The following CNTNAP5 variants were observed in gnomAD, a reference collection of about 807,000 sequenced individuals.
CNTNAP5 encodes contactin-associated protein-like 5.
CNTNAP5 carries 72 observed loss-of-function variants against 150.2 expected under a neutral mutation model. The ratio of observed to expected loss-of-function variants is 0.48; its 90% confidence interval spans 0.40 to 0.58. The LOEUF (loss-of-function observed/expected upper bound fraction) is 0.58, where lower values mean the gene tolerates loss of function less well. Among genes scored for constraint, CNTNAP5 ranks in the 20% least tolerant of loss-of-function variants. The pLI, the probability that CNTNAP5 is intolerant of heterozygous loss-of-function variation, is 0.00. For missense variants in CNTNAP5, 1,636 were observed against 1,626.2 expected (o/e 1.01, Z -0.10); for synonymous variants, 672 against 619.8 (o/e 1.08, Z -1.25).
chr2:124,163,315 C>G (rs1684729268), intron 1 of CNTNAP5, among the ~76,000 whole-genome samples: 1 of 152,278 alleles, frequency 6.6e-6, no homozygotes, highest in African/African-American at 2.4e-5. Context: ...CTGCCTCCAG[C>G]CCTGGAGAAT....
At chr2:124,699,596 T>G (rs2105088260) in intron 13 of CNTNAP5, among the ~76,000 whole-genome samples, 1 of 152,234 alleles carries the variant, frequency 6.6e-6, no homozygotes, top group South Asian at 2.1e-4. Context: ...AACCTCTCCC[T>G]TGGCTGTCCC....
In CNTNAP5 at chr2:124,603,002, TCTCCCTCC is replaced by T. The variant is rs55819925; in HGVS notation, c.1757-6780_1757-6773del. Among the ~76,000 whole-genome samples, 1,181 of 137,714 alleles carry T rather than the reference TCTCCCTCC, an allele frequency of 8.6e-3. 18 individuals are homozygous for T. Among genetic ancestry groups the T allele is most frequent in the African/African-American group, 0.028 (1,042 of 36,698 alleles). The allele number at this position is 137,714 out of a possible 152,430, so 90.3% of individuals were successfully genotyped here. A position where few individuals can be genotyped will look rare whatever the true frequency, so the allele number is the denominator to read the frequency against. On this transcript the variant is annotated intron_variant, in intron 11 of 23. Coordinates refer to ENST00000682447, the MANE Select transcript of CNTNAP5 (RefSeq NM_001367498.1). ...TGGTTATCTTAAAACATCTTCCCTC[TCTCCCTCC>T]CTCCCTCCCTCCCTCCCTTCTTTCC...
At chr2:124,324,395 T>C (rs1269984514) in intron 3 of CNTNAP5, among the ~76,000 whole-genome samples, 1 of 152,182 alleles carries the variant, frequency 6.6e-6, no homozygotes, top group East Asian at 1.9e-4. Context: ...TAGATGTATA[T>C]GTCAGATTTA....
chr2:124,822,256 A>G (rs1682507410), intron 19 of CNTNAP5, among the ~76,000 whole-genome samples: 1 of 152,084 alleles, frequency 6.6e-6, no homozygotes, highest in African/African-American at 2.4e-5. Context: ...GGTTGGTGTG[A>G]GGATGCTTAG....
chr2:124,748,864 G>A (rs772026060), intron 14 of CNTNAP5, among the ~76,000 whole-genome samples: 15 of 152,264 alleles, frequency 9.9e-5, no homozygotes, highest in Non-Finnish European at 1.8e-4. Flanking sequence ...CTTCATGTGG[G>A]TAAAATCAGA....
intron 10 of CNTNAP5, among the ~76,000 whole-genome samples, chr2:124,551,986 A>C (rs1695639197): frequency 6.6e-6 from 1 of 152,174 alleles, no homozygotes; most frequent in African/African-American, 2.4e-5. Context: ...ATGTCTAAAT[A>C]ACTGCAATAA....
chr2:124,746,050 C>T (rs1373570736), intron 13 of CNTNAP5, among the ~76,000 whole-genome samples: 2 of 152,212 alleles, frequency 1.3e-5, no homozygotes, highest in Non-Finnish European at 2.9e-5. Flanking sequence ...AACCTTGTAA[C>T]ATCCTCAGAC....
chr2:124,442,822 A>G (rs918930495), intron 5 of CNTNAP5, among the ~76,000 whole-genome samples: 1 of 152,216 alleles, frequency 6.6e-6, no homozygotes, highest in Non-Finnish European at 1.5e-5. Flanking sequence ...AGAGAGTTCA[A>G]AGAAAAGGAA....
chr2:124,485,631 A>AAAAAAAAAAAAAAAAAAAAAG (rs1457112306), intron 7 of CNTNAP5, among the ~76,000 whole-genome samples: 2 of 134,194 alleles, frequency 1.5e-5, no homozygotes, highest in African/African-American at 6.2e-5. Context: ...AAAAAAAAAA[A>AAAAAAAAAAAAAAAAAAAAAG]AAAGAAGAAG....
At chr2:124,681,893 T>C (rs1679077626) in intron 13 of CNTNAP5, among the ~76,000 whole-genome samples, 1 of 152,110 alleles carries the variant, frequency 6.6e-6, no homozygotes, top group Non-Finnish European at 1.5e-5. Context: ...TTGTTTTTAT[T>C]TTTCAATCCT....
At chr2:124,654,752 C>T (rs1678404610) in intron 13 of CNTNAP5, among the ~76,000 whole-genome samples, 1 of 151,566 alleles carries the variant, frequency 6.6e-6, no homozygotes, top group Non-Finnish European at 1.5e-5. Context: ...TTTCTTTGTC[C>T]TTCCTTCTTT....
chr2:124,314,880 C>T lies in CNTNAP5; in HGVS notation c.381+72487C>T, dbSNP rs1231347269. On this transcript the variant is annotated intron_variant, in intron 3 of 23. Coordinates refer to ENST00000682447, the MANE Select transcript of CNTNAP5 (RefSeq NM_001367498.1). ...ATCATTAATTACATGGTCTTAGTGT[C>T]GGTTGCAATTTTTGTTTCAAAATTT... 5.3e-5 allele frequency among the ~76,000 whole-genome samples: 8 copies of T among 151,942 alleles called. No individual in the cohort carries two copies. The South Asian group carries it at 1.2e-3, about 24-fold the overall frequency.
At chr2:124,035,364 C>T (rs776514622) in intron 1 of CNTNAP5, among the ~76,000 whole-genome samples, 10 of 151,304 alleles carry the variant, frequency 6.6e-5, no homozygotes, top group Non-Finnish European at 1.5e-4. Context: ...CCTTCTCTTT[C>T]CTCTCGTCTC....
At chr2:124,099,572 G>A (rs927005518) in intron 1 of CNTNAP5, among the ~76,000 whole-genome samples, 4 of 152,086 alleles carry the variant, frequency 2.6e-5, no homozygotes, top group Non-Finnish European at 5.9e-5. Context: ...TGAGATTATC[G>A]AGCCGTATGT....
intron 1 of CNTNAP5, among the ~76,000 whole-genome samples, chr2:124,101,549 C>G (rs768267633): frequency 1.3e-5 from 2 of 152,180 alleles, no homozygotes; most frequent in Middle Eastern, 6.3e-3. Flanking sequence ...ATTTACATCA[C>G]GAATCCCAAA....
At chr2:124,738,988 A>AT (rs1183902075) in intron 13 of CNTNAP5, among the ~76,000 whole-genome samples, 2 of 152,216 alleles carry the variant, frequency 1.3e-5, no homozygotes, top group Non-Finnish European at 2.9e-5. Context: ...CCAAAGAATC[A>AT]TTTAAGTTAA....
At chr2:124,452,623 A>G (rs889537925) in intron 6 of CNTNAP5, among the ~76,000 whole-genome samples, 20 of 152,296 alleles carry the variant, frequency 1.3e-4, no homozygotes, top group African/African-American at 4.8e-4. Context: ...AAAGCTGCAG[A>G]TCCTCACAGA....
chr2:124,752,847 G>C (rs1276724010), intron 14 of CNTNAP5, among the ~76,000 whole-genome samples: 1 of 152,082 alleles, frequency 6.6e-6, no homozygotes, highest in Admixed American at 6.6e-5. Flanking sequence ...AGAGTGTTGG[G>C]CTGTGTGGAA....
At chr2:124,434,043 T>C (rs1233467246) in intron 4 of CNTNAP5, among the ~76,000 whole-genome samples, 1 of 152,170 alleles carries the variant, frequency 6.6e-6, no homozygotes, top group Non-Finnish European at 1.5e-5. Flanking sequence ...GACAGTACTA[T>C]GTGGAGTTGG....
Sources: allele counts gnomAD v4.1 joint callset (sites outside exome capture counted in the v4.1 genomes callset), GRCh38; gene constraint gnomAD v4.1.1; transcripts MANE v1.5; gene names NCBI Gene and HGNC (gene_info 2026-07-23, HGNC 2026-07-21).